The following ABCA3 variants were observed in gnomAD, a reference collection of about 807,000 sequenced individuals.
ABCA3 encodes the protein phospholipid-transporting ATPase ABCA3.
In ABCA3, 88 loss-of-function variants were observed where a neutral mutation model predicts 172.8. The observed-to-expected ratio is 0.51, with a 90% CI of 0.43 to 0.61. The LOEUF is 0.61. Ranked by LOEUF, ABCA3 falls within the 20% of genes least tolerant of loss-of-function variation. The pLI is 0.00. For missense variants in ABCA3, 2,164 were observed against 2,301.0 expected, an observed-to-expected ratio of 0.94 and a Z score of 1.22; for synonymous variants, 1,066 against 983.8, an observed-to-expected ratio of 1.08 and a Z score of -1.56.
In ABCA3 at chr16:2,276,647, G is replaced by T; in HGVS notation, c.*27C>A. On this transcript the variant is annotated 3_prime_UTR_variant, in exon 33 of 33. Coordinates refer to ENST00000301732, the MANE Select transcript of ABCA3 (RefSeq NM_001089.3). ...GGCCCTGCTTGCCCGTCCTGTCCCT[G>T]CCTGATGGCGAGACAGCCGCCACCC... The T allele has an allele frequency of 4.3e-6, 7 of 1,611,184 alleles. No individual in the cohort carries two copies. The highest frequency in any genetic ancestry group is 5.9e-6 in the Non-Finnish European group (7 of 1,179,842).
chr16:2,312,080 A>G (rs1243390955), intron 10 of ABCA3, among the ~76,000 whole-genome samples: 1 of 152,240 alleles, frequency 6.6e-6, no homozygotes, highest in Non-Finnish European at 1.5e-5. Flanking sequence ...CAATATTAAA[A>G]AAATTACATT....
At position 2,276,170 on chromosome 16, in the gene ABCA3, T is replaced by C; in HGVS notation, c.*504A>G. 1 of 382,128 alleles carries C rather than the reference T, an allele frequency of 2.6e-6. No individual in the cohort carries two copies. Among genetic ancestry groups the C allele is most frequent in the Non-Finnish European group, 5.3e-6 (1 of 188,536 alleles). 23.7% of individuals were successfully genotyped at this position (382,128 alleles called of 1,614,324 possible). A position where few individuals can be genotyped will look rare whatever the true frequency, so the allele number is the denominator to read the frequency against. ...CGCTGGACGCTAAGACCCCAGCACC[T>C]AATCACAGTCAGCAGCTTCCCTCCA... On this transcript the variant is annotated 3_prime_UTR_variant, in exon 33 of 33. Transcript: ENST00000301732.
chr16:2,329,227 T>C (rs2093739311), intron 2 of ABCA3, among the ~76,000 whole-genome samples: 1 of 152,152 alleles, frequency 6.6e-6, no homozygotes, highest in African/African-American at 2.4e-5. Context: ...CTTTTAAAAT[T>C]AATAAGGTAG....
chr16:2,324,570 G>A (rs748882650), intron 5 of ABCA3, 39 bp from the exon 6 acceptor site: 11 of 1,604,266 alleles, frequency 6.9e-6, no homozygotes, highest in African/African-American at 5.3e-5. Context: ...TTGCCCAATC[G>A]GCCCTCCTGC....
chr16:2,297,283 G>T lies in ABCA3; in HGVS notation c.2263+46C>A. 1 of 1,596,404 alleles carries T rather than the reference G, an allele frequency of 6.3e-7. No homozygotes were observed. The highest frequency in any genetic ancestry group is 8.5e-7 in the Non-Finnish European group (1 of 1,173,264). ...AAGGTAGCAGCCATTCCCTCAGCAC[G>T]GCAGCCAGGACACCGACCCTGTCGC... On this transcript the variant is annotated intron_variant, in intron 17 of 32. Transcript: ENST00000301732. This position sits in a 1 kb window ranked among gnomAD's most constrained non-coding sequence, Gnocchi z 5.6.
intron 17 of ABCA3, 59 bp from the exon 18 acceptor site, chr16:2,295,799 AC>A: frequency 6.2e-7 from 1 of 1,610,284 alleles, no homozygotes; most frequent in Non-Finnish European, 8.5e-7. Flanking sequence ...CTTCATGCCC[AC>A]CCCGGGGTCT....
chr16:2,295,713 T>G lies in ABCA3; in HGVS notation c.2291A>C (p.Lys764Thr). The G allele has an allele frequency of 1.2e-6, 2 of 1,613,976 alleles. No individual in the cohort carries two copies. Among genetic ancestry groups the G allele is most frequent in the Non-Finnish European group, 1.7e-6 (2 of 1,180,044 alleles). Reference sequence around the variant, plus strand: ...GTCTTCCGGGTTGCAGTGCGGCTCCTTCACCAGCGTCATGTGATAGCCGGC... The same window carrying G: ...GTCTTCCGGGTTGCAGTGCGGCTCCGTCACCAGCGTCATGTGATAGCCGGC... ...YGAGYHMTLV[K>T]EPHCNPEDIS... Residue 764 changes from lysine (K) to threonine (T), a missense_variant, in exon 18 of 33, where the codon AAG becomes ACG. Coordinates refer to ENST00000301732, the MANE Select transcript of ABCA3 (RefSeq NM_001089.3).
At chr16:2,334,828 T>C (rs1376493051) in intron 1 of ABCA3, among the ~76,000 whole-genome samples, 1 of 150,508 alleles carries the variant, frequency 6.6e-6, no homozygotes, top group African/African-American at 2.5e-5. Flanking sequence ...TAAATATTAG[T>C]TCTTTTTTTT....
At chr16:2,296,020 C>A (rs1164739005) in intron 17 of ABCA3, among the ~76,000 whole-genome samples, 1 of 152,176 alleles carries the variant, frequency 6.6e-6, no homozygotes, top group Non-Finnish European at 1.5e-5. Context: ...GCTATACAAG[C>A]ACCAGGGAAG....
chr16:2,321,198 G>A (rs547338239), intron 7 of ABCA3, among the ~76,000 whole-genome samples: 96 of 152,276 alleles, frequency 6.3e-4, no homozygotes, highest in Non-Finnish European at 1.0e-3. Context: ...GCAGTCCCCT[G>A]CTGCAGGCAG....
Position 2,298,393 on chromosome 16 carries a change from T to C in ABCA3, c.1889A>G (p.Tyr630Cys). 6.2e-7 allele frequency: 1 copy of C among 1,613,868 alleles called. No homozygotes were observed. The highest frequency in any genetic ancestry group is 8.5e-7 in the Non-Finnish European group (1 of 1,179,968). The stretch of plus-strand genomic sequence containing the variant: ...CCCTGGCCCCCAACTCACCTGGGCG[T>C]AGAAATAAAGGTGCTCTGCGACTGT... ...NLTVAEHLYF[Y>C]AQLKGLSRQK... Residue 630 changes from tyrosine (Y) to cysteine (C), a missense_variant, in exon 15 of 33, where the codon TAC becomes TGC. This residue lies in a region of ABCA3 where 1,343 missense variants were observed against 1,369.6 expected (regional missense o/e 0.98). Transcript: ENST00000301732.
chr16:2,293,598 C>T (rs1282404891), intron 18 of ABCA3, among the ~76,000 whole-genome samples: 2 of 149,684 alleles, frequency 1.3e-5, no homozygotes, highest in Non-Finnish European at 3.0e-5. Context: ...AGTGCGGTGG[C>T]GCGATCTTGG....
intron 18 of ABCA3, among the ~76,000 whole-genome samples, chr16:2,293,059 CT>C (rs1300446187): frequency 1.3e-5 from 2 of 151,096 alleles, no homozygotes; most frequent in African/African-American, 2.4e-5. Context: ...CTTTTTTTTT[CT>C]TTTTTTCTTT....
Position 2,281,570 on chromosome 16 carries a change from A to AGGGG in ABCA3, c.4036-62_4036-61insCCCC. ...CAGCCGCAGGGCGGCTTCCGTGGAG[A>AGGGG]AGGGAGGGGCGGGGGTGGATGTGGG... On this transcript the variant is annotated intron_variant, in intron 26 of 32. Coordinates refer to ENST00000301732, the MANE Select transcript of ABCA3 (RefSeq NM_001089.3). The surrounding 1 kb of genome is among the most constrained non-coding windows in gnomAD (Gnocchi z 4.7). 1 of 559,812 alleles carries AGGGG rather than the reference A, an allele frequency of 1.8e-6. No individual in the cohort carries two copies. Among genetic ancestry groups the AGGGG allele is most frequent in the Admixed American group, 2.0e-5 (1 of 49,176 alleles). 34.7% of individuals were successfully genotyped at this position (559,812 alleles called of 1,614,324 possible).
In ABCA3 at chr16:2,324,488, C is replaced by A. The variant is rs779311575; in HGVS notation, c.363G>T (p.Arg121Ser). 8.1e-6 allele frequency: 13 copies of A among 1,611,018 alleles called. No homozygotes were observed. The highest frequency in any genetic ancestry group is 1.0e-5 in the Non-Finnish European group (12 of 1,179,970). ...PSEKDFEDYI[R>S]YDNCSSSVLA... Reference sequence around the variant, plus strand: ...GCACGCTGGACGAGCAGTTGTCGTACCTAATGTAGTCCTCAAAGTCCTTCT... The same window carrying A: ...GCACGCTGGACGAGCAGTTGTCGTAACTAATGTAGTCCTCAAAGTCCTTCT... The change falls in exon 6 of 33, where the codon AGG becomes AGT. Residue 121 changes from arginine to serine, a missense_variant. Coordinates refer to ENST00000301732, the MANE Select transcript of ABCA3 (RefSeq NM_001089.3).
rs777536136 is a variant in ABCA3, at chr16:2,284,850, G to A, written c.3632C>T (p.Thr1211Met). 107 of 1,613,858 alleles carry A rather than the reference G, an allele frequency of 6.6e-5. 2 individuals carry two copies. In the South Asian group the frequency reaches 8.6e-4, roughly 13 times the overall value. ...FFFLGAATAY[T>M]RLTIFNILSG... ...CAGGATGTTGAAGATGGTCAGCCTC[G>A]TGTAGGCAGTGGCCGCCCCCAAGAA... The change falls in exon 24 of 33, where the codon ACG (threonine) becomes ATG (methionine). Residue 1211 changes from threonine to methionine, a missense_variant. Physicochemically the swap from Thr to Met is moderately conservative, Grantham distance 81. This residue lies in a region of ABCA3 where 795 missense variants were observed against 881.9 expected (regional missense o/e 0.90). Coordinates refer to ENST00000301732, the MANE Select transcript of ABCA3 (RefSeq NM_001089.3). This position sits in a 1 kb window ranked among gnomAD's most constrained non-coding sequence, Gnocchi z 5.9.
Position 2,324,512 on chromosome 16 carries a change from C to T in ABCA3, c.339G>A (p.Glu113=). 6.2e-7 allele frequency: 1 copy of T among 1,610,744 alleles called. No individual in the cohort carries two copies. The highest frequency in any genetic ancestry group is 8.5e-7 in the Non-Finnish European group (1 of 1,179,978). Reference sequence around the variant, plus strand: ...ACCTAATGTAGTCCTCAAAGTCCTTCTCGGAGGGAAAGCCGCGCACTGCAA... The same window carrying T: ...ACCTAATGTAGTCCTCAAAGTCCTTTTCGGAGGGAAAGCCGCGCACTGCAA... ...INMRVRGFPS[E]KDFEDYIRYD... is the part of the protein sequence containing the mutation. The change falls in exon 6 of 33, where the codon GAG becomes GAA. Residue 113 remains glutamate (E), a synonymous_variant. Coordinates refer to ENST00000301732, the MANE Select transcript of ABCA3 (RefSeq NM_001089.3).
chr16:2,308,352 C>G, intron 11 of ABCA3, 98 bp downstream of exon 11: 1 of 1,477,848 alleles, frequency 6.8e-7, no homozygotes, highest in South Asian at 1.2e-5. Flanking sequence ...GCCTGCCAAC[C>G]GTCCCAGGTG....
rs527826903 is a variant in ABCA3 at position 2,301,019 on chromosome 16, A to G, written c.1468-871T>C. ...GCCGAGGCGGGCGGATCATGAGGTC[A>G]GGAGATCGAGACCATCCTGGCTAAC... On this transcript the variant is annotated intron_variant, in intron 12 of 32. Transcript: ENST00000301732. Among the ~76,000 whole-genome samples the G allele has an allele frequency of 4.9e-3, 739 of 150,116 alleles. 23 individuals carry two copies. The highest frequency in any genetic ancestry group is 0.018 in the African/African-American group (716 of 39,684).
Sources: allele counts gnomAD v4.1 joint callset (sites outside exome capture counted in the v4.1 genomes callset), GRCh38; gene constraint gnomAD v4.1.1; regional missense constraint gnomAD v4.1.1; non-coding constraint Gnocchi (gnomAD v3.1); transcripts MANE v1.5; gene names NCBI Gene and HGNC (gene_info 2026-07-23, HGNC 2026-07-21).